MACROD1: variants seen among roughly 807,000 people sequenced by gnomAD.
The protein encoded by MACROD1 is ADP-ribose glycohydrolase MACROD1.
MACROD1 carries 31 observed loss-of-function variants against 41.4 expected under a neutral mutation model. The observed-to-expected ratio is 0.75, with a 90% CI of 0.56 to 1.01. The LOEUF (loss-of-function observed/expected upper bound fraction) is 1.01, where lower values mean the gene tolerates loss of function less well. MACROD1 is among the 50% of genes least tolerant of loss of function. The probability of loss-of-function intolerance (pLI) is 0.00; values close to 1 mark genes in which losing one functional copy is unlikely to be tolerated. For synonymous variants in MACROD1, 252 were observed against 203.4 expected (o/e 1.24, Z -2.03); for missense variants, 473 against 460.0 (o/e 1.03, Z -0.26).
chr11:64,090,014 C>G lies in MACROD1; in HGVS notation c.517+61225G>C, dbSNP rs1485281763. On this transcript the variant is annotated intron_variant, in intron 3 of 10. Coordinates refer to ENST00000255681, the MANE Select transcript of MACROD1 (RefSeq NM_014067.4). The surrounding 1 kb of genome is among the most constrained non-coding windows in gnomAD (Gnocchi z 4.7). ...AGCACTTATGACAAGGCCCTCCATC[C>G]AAGTAACAAACAAAAGGGAAACACA... Among the ~76,000 whole-genome samples the G allele has an allele frequency of 6.6e-6, 1 of 152,134 alleles. No homozygotes were observed. The highest frequency in any genetic ancestry group is 6.5e-5 in the Admixed American group (1 of 15,280).
chr11:64,081,273 C>T (rs1048794579), intron 3 of MACROD1, among the ~76,000 whole-genome samples: 2 of 152,192 alleles, frequency 1.3e-5, no homozygotes, highest in Admixed American at 6.5e-5. Context: ...CTGCCCACCT[C>T]GGCCTCCCAA....
At chr11:64,019,725 C>T (rs776060788) in intron 3 of MACROD1, among the ~76,000 whole-genome samples, 26 of 152,224 alleles carry the variant, frequency 1.7e-4, no homozygotes, top group Non-Finnish European at 2.2e-4. Context: ...CAGTCCTGAC[C>T]GGAGGGGTAG....
intron 3 of MACROD1, among the ~76,000 whole-genome samples, chr11:64,027,278 C>T (rs1943235304): frequency 1.3e-5 from 2 of 152,126 alleles, no homozygotes; most frequent in Admixed American, 1.3e-4. Context: ...ATGGCGGGTG[C>T]TGGAGCTGGG....
In MACROD1 at chr11:64,146,021, C is replaced by T. The variant is rs372059528; in HGVS notation, c.517+5218G>A. Among the ~76,000 whole-genome samples the T allele has an allele frequency of 2.0e-5, 3 of 152,020 alleles. No homozygotes were observed. The highest frequency in any genetic ancestry group is 2.9e-5 in the Non-Finnish European group (2 of 67,962). Reference sequence around the variant, plus strand: ...CTGACCTCAAGCGATCCGCCCGCCTCGGCCTCCCAAAGTGCTAGGATAACA... The same window carrying T: ...CTGACCTCAAGCGATCCGCCCGCCTTGGCCTCCCAAAGTGCTAGGATAACA... On this transcript the variant is annotated intron_variant, in intron 3 of 10. Transcript: ENST00000255681. This position sits in a 1 kb window ranked among gnomAD's most constrained non-coding sequence, Gnocchi z 4.7.
chr11:64,084,130 T>C (rs1944351114), intron 3 of MACROD1, among the ~76,000 whole-genome samples: 1 of 152,120 alleles, frequency 6.6e-6, no homozygotes, highest in South Asian at 2.1e-4. Context: ...TGCGTGTAGG[T>C]ATACCTGTAC....
intron 3 of MACROD1, among the ~76,000 whole-genome samples, chr11:64,111,660 G>C (rs987445901): frequency 6.6e-6 from 1 of 152,200 alleles, no homozygotes; most frequent in Non-Finnish European, 1.5e-5. Context: ...GTGAAGGGGG[G>C]TGGGTGAGGT....
intron 3 of MACROD1, among the ~76,000 whole-genome samples, chr11:64,136,079 C>T (rs938116879): frequency 6.6e-6 from 1 of 152,210 alleles, no homozygotes; most frequent in Middle Eastern, 3.2e-3. Flanking sequence ...ACAGAAAGGA[C>T]ACTGCCACAA....
chr11:64,076,669 A>G (rs1430180893), intron 3 of MACROD1, among the ~76,000 whole-genome samples: 1 of 152,214 alleles, frequency 6.6e-6, no homozygotes, highest in African/African-American at 2.4e-5. Flanking sequence ...GAAATCGCCT[A>G]AGAACACACA....
chr11:64,138,592 G>T, intron 3 of MACROD1: 3 of 979,902 alleles, frequency 3.1e-6, no homozygotes, highest in Non-Finnish European at 3.6e-6. Context: ...GGCCCTGCTG[G>T]CAGAGGAATG....
chr11:64,160,130 G>A (rs1373650800), intron 1 of MACROD1, among the ~76,000 whole-genome samples: 2 of 152,148 alleles, frequency 1.3e-5, no homozygotes, highest in Non-Finnish European at 2.9e-5. Flanking sequence ...CGGGGAAGGG[G>A]ATCCTTGTGG....
intron 3 of MACROD1, among the ~76,000 whole-genome samples, chr11:64,091,842 A>G (rs1431321741): frequency 4.6e-5 from 7 of 152,192 alleles, no homozygotes; most frequent in Admixed American, 4.6e-4. Context: ...GAGGCCCAGC[A>G]CAGCCAAAGG....
At chr11:64,143,133 T>TGGGA (rs376739540) in intron 3 of MACROD1, among the ~76,000 whole-genome samples, 1 of 6,336 alleles carries the variant, frequency 1.6e-4, no homozygotes, top group African/African-American at 7.2e-4. Flanking sequence ...GAAGGGAGGG[T>TGGGA]GGGAGGGAGG....
rs1328223394 is a variant in MACROD1 at position 64,036,179 on chromosome 11, G to C, written c.518-20898C>G. On this transcript the variant is annotated intron_variant, in intron 3 of 10. Transcript: ENST00000255681. This position sits in a 1 kb window ranked among gnomAD's most constrained non-coding sequence, Gnocchi z 5.6. ...GCGCAGGTAGGGCTGGCTGCACCGG[G>C]CGGGGGTCGGGGTCCGCGCGTCTGG... The C allele has an allele frequency of 5.3e-5, 8 of 152,276 alleles. No homozygotes were observed. The East Asian group carries it at 1.4e-3, about 26-fold the overall frequency. The allele number at this position is 152,276 out of a possible 1,614,324, so 9.4% of individuals were successfully genotyped here.
intron 3 of MACROD1, among the ~76,000 whole-genome samples, chr11:64,077,628 C>T (rs542921565): frequency 6.6e-6 from 1 of 152,266 alleles, no homozygotes; most frequent in East Asian, 1.9e-4. Context: ...ACGAACAGAA[C>T]TCATAGATGG....
chr11:64,137,284 G>T (rs1945346405), intron 3 of MACROD1, among the ~76,000 whole-genome samples: 1 of 152,174 alleles, frequency 6.6e-6, no homozygotes. Flanking sequence ...GCGGCGGGGG[G>T]GTCTCCTGAG....
At chr11:64,069,662 C>T (rs2134458134) in intron 3 of MACROD1, among the ~76,000 whole-genome samples, 1 of 152,232 alleles carries the variant, frequency 6.6e-6, no homozygotes, top group Middle Eastern at 3.4e-3. Flanking sequence ...GAGGCAGCCC[C>T]TCCATGGCTT....
At chr11:64,021,174 G>C (rs914479000) in intron 3 of MACROD1, among the ~76,000 whole-genome samples, 4 of 152,346 alleles carry the variant, frequency 2.6e-5, no homozygotes, top group African/African-American at 9.6e-5. Context: ...GAGTCACTCA[G>C]CTGGATTTAA....
intron 3 of MACROD1, among the ~76,000 whole-genome samples, chr11:64,140,292 T>G (rs761009533): frequency 6.6e-6 from 1 of 152,240 alleles, no homozygotes; most frequent in African/African-American, 2.4e-5. Flanking sequence ...AGAGCAGGCA[T>G]GGACCGCCTT....
At chr11:64,134,689 G>A (rs1945309213) in intron 3 of MACROD1, among the ~76,000 whole-genome samples, 1 of 152,192 alleles carries the variant, frequency 6.6e-6, no homozygotes, top group Non-Finnish European at 1.5e-5. Flanking sequence ...TCCAGCACCC[G>A]CCTCTCTAGT....
Sources: gnomAD v4.1 joint callset for allele counts (sites outside exome capture counted in the v4.1 genomes callset) on GRCh38, gnomAD v4.1.1 for gene constraint, Gnocchi (gnomAD v3.1) non-coding constraint, MANE v1.5 for transcripts, NCBI Gene and HGNC (gene_info 2026-07-23, HGNC 2026-07-21) for gene names.